Variants in GRK3 observed in about 807,000 individuals in gnomAD.
GRK3 encodes adrenergic, beta, receptor kinase 2.
In GRK3, 54 loss-of-function variants were observed where a neutral mutation model predicts 95.7. The observed-to-expected ratio is 0.56, with a 90% CI of 0.45 to 0.71. The LOEUF (loss-of-function observed/expected upper bound fraction) is 0.71, where lower values mean the gene tolerates loss of function less well. Ranked by LOEUF, GRK3 falls within the 30% of genes least tolerant of loss-of-function variation. The probability of loss-of-function intolerance (pLI) is 0.00; values close to 1 mark genes in which losing one functional copy is unlikely to be tolerated. For missense variants in GRK3, 649 were observed against 851.2 expected (o/e 0.76, Z 2.96); for synonymous variants, 281 against 290.8 (o/e 0.97, Z 0.34).
At chr22:25,709,595 A>T (rs572483322) in intron 15 of GRK3, among the ~76,000 whole-genome samples, 1 of 151,888 alleles carries the variant, frequency 6.6e-6, no homozygotes, top group South Asian at 2.1e-4. Context: ...CTATAGAATT[A>T]TTGTGTGTGT....
chr22:25,595,823 T>TA (rs974084622), intron 1 of GRK3, among the ~76,000 whole-genome samples: 1 of 151,820 alleles, frequency 6.6e-6, no homozygotes, highest in Admixed American at 6.6e-5. Flanking sequence ...GGTGTGCACT[T>TA]ACAGTTTCTG....
intron 15 of GRK3, among the ~76,000 whole-genome samples, chr22:25,706,516 T>C: frequency 6.6e-6 from 1 of 152,248 alleles, no homozygotes; most frequent in Admixed American, 6.5e-5. Flanking sequence ...ATTTTTTTAA[T>C]ATTTATTTTT....
chr22:25,654,743 T>C (rs887005121), intron 3 of GRK3, among the ~76,000 whole-genome samples: 1 of 152,212 alleles, frequency 6.6e-6, no homozygotes, highest in African/African-American at 2.4e-5. Context: ...GGCAATCTAC[T>C]TGTGGTTATT....
intron 2 of GRK3, among the ~76,000 whole-genome samples, chr22:25,617,792 T>G (rs1412556966): frequency 6.6e-6 from 1 of 152,232 alleles, no homozygotes; most frequent in African/African-American, 2.4e-5. Flanking sequence ...TTTCTTTTTT[T>G]TTGAGATGGA....
intron 2 of GRK3, among the ~76,000 whole-genome samples, chr22:25,628,502 G>A (rs1409454344): frequency 1.3e-5 from 2 of 152,144 alleles, no homozygotes; most frequent in Non-Finnish European, 2.9e-5. Flanking sequence ...AATGCCATGC[G>A]GTTATAAAAG....
chr22:25,717,055 C>T (rs538972450), intron 18 of GRK3, among the ~76,000 whole-genome samples: 30 of 152,256 alleles, frequency 2.0e-4, no homozygotes, highest in African/African-American at 6.7e-4. Flanking sequence ...AACTGGTCCC[C>T]GGTGCCAAGA....
At chr22:25,597,523 C>T (rs756671510) in intron 1 of GRK3, among the ~76,000 whole-genome samples, 6 of 152,022 alleles carry the variant, frequency 3.9e-5, no homozygotes, top group African/African-American at 1.2e-4. Flanking sequence ...CACTATGCAT[C>T]GTATGTATCA....
intron 1 of GRK3, among the ~76,000 whole-genome samples, chr22:25,587,825 C>G (rs575397833): frequency 4.1e-4 from 62 of 152,356 alleles, no homozygotes; most frequent in African/African-American, 1.5e-3. Context: ...CTCATTCTCT[C>G]TTTTGCCTGC....
chr22:25,663,049 GA>G (rs2084919669), intron 4 of GRK3, among the ~76,000 whole-genome samples: 2 of 151,902 alleles, frequency 1.3e-5, no homozygotes, highest in Non-Finnish European at 2.9e-5. Flanking sequence ...TCTCTTATTT[GA>G]TGGAAATTTT....
chr22:25,674,331 G>A (rs2085009130), intron 7 of GRK3, 106 bp from the exon 8 acceptor site: 1 of 889,242 alleles, frequency 1.1e-6, no homozygotes, highest in East Asian at 2.6e-5. Flanking sequence ...AGATCCCTAA[G>A]TCAGATTGCT....
Position 25,568,786 on chromosome 22 carries a change from TTAC to T in GRK3, c.113+3635_113+3637del, listed in dbSNP as rs749269041. On this transcript the variant is annotated intron_variant, in intron 1 of 20. Coordinates refer to ENST00000324198, the MANE Select transcript of GRK3 (RefSeq NM_005160.4). ...ACAAATAGCGTTTGGATGACTTTTA[TTAC>T]TCTATATGCATAGAATATAGAATAA... is the stretch of plus-strand genomic sequence containing the variant. Among the ~76,000 whole-genome samples the T allele has an allele frequency of 8.5e-5, 13 of 152,374 alleles. No individual in the cohort carries two copies. The East Asian group carries it at 2.1e-3, about 25-fold the overall frequency.
At chr22:25,701,716 G>A (rs1486817102) in intron 13 of GRK3, among the ~76,000 whole-genome samples, 1 of 152,176 alleles carries the variant, frequency 6.6e-6, no homozygotes, top group Admixed American at 6.5e-5. Context: ...GCAGGAGCCA[G>A]GTCCGAGGGA....
chr22:25,670,215 C>T (rs531335791), intron 6 of GRK3, among the ~76,000 whole-genome samples: 15 of 152,234 alleles, frequency 9.9e-5, no homozygotes, highest in African/African-American at 1.4e-4. Context: ...GTCTATTGGT[C>T]GGGTGTGGTG....
At chr22:25,625,164 C>T (rs548576307) in intron 2 of GRK3, among the ~76,000 whole-genome samples, 18 of 152,012 alleles carry the variant, frequency 1.2e-4, no homozygotes, top group South Asian at 2.1e-4. Flanking sequence ...GGCAAGAGAC[C>T]GAGGACACGA....
At chr22:25,576,454 G>A (rs1931901799) in intron 1 of GRK3, among the ~76,000 whole-genome samples, 1 of 152,184 alleles carries the variant, frequency 6.6e-6, no homozygotes, top group Non-Finnish European at 1.5e-5. Context: ...TGCCAAAGCT[G>A]CCTAGACCAG....
chr22:25,708,781 C>T (rs1422151496), intron 15 of GRK3, among the ~76,000 whole-genome samples: 2 of 151,798 alleles, frequency 1.3e-5, no homozygotes, highest in Non-Finnish European at 2.9e-5. Context: ...CCTGCCTCAG[C>T]CTCCCGAGTA....
chr22:25,656,275 G>C (rs1240007362), intron 3 of GRK3, among the ~76,000 whole-genome samples: 2 of 152,060 alleles, frequency 1.3e-5, no homozygotes, highest in African/African-American at 2.4e-5. Context: ...CCAAGGTAAA[G>C]TTACTATATA....
intron 2 of GRK3, among the ~76,000 whole-genome samples, chr22:25,624,588 A>C (rs1238245581): frequency 6.6e-6 from 1 of 151,448 alleles, no homozygotes; most frequent in Non-Finnish European, 1.5e-5. Flanking sequence ...AAAACAAAAA[A>C]CCCTGATTTC....
chr22:25,616,165 T>C (rs1042561820), intron 2 of GRK3, among the ~76,000 whole-genome samples: 4 of 152,068 alleles, frequency 2.6e-5, no homozygotes, highest in Non-Finnish European at 4.4e-5. Context: ...GTCTGGCCGA[T>C]GGGGAGGCAT....
Sources: gnomAD v4.1 joint callset for allele counts (sites outside exome capture counted in the v4.1 genomes callset) on GRCh38, gnomAD v4.1.1 for gene constraint, MANE v1.5 for transcripts, NCBI Gene and HGNC (gene_info 2026-07-23, HGNC 2026-07-21) for gene names.